The following TSHZ2 variants were observed in gnomAD, a reference collection of about 807,000 sequenced individuals.
The protein encoded by TSHZ2 is teashirt homolog 2.
Under a neutral mutation model 74.4 loss-of-function variants are expected in TSHZ2, and 21 were observed. That is an observed-to-expected ratio of 0.28 (90% CI 0.20 to 0.41). The LOEUF (loss-of-function observed/expected upper bound fraction) is 0.41. Ranked by LOEUF, TSHZ2 falls within the 10% of genes least tolerant of loss-of-function variation. The probability of loss-of-function intolerance (pLI) is 1.00; values close to 1 mark genes in which losing one functional copy is unlikely to be tolerated. For synonymous variants in TSHZ2, 540 were observed against 515.3 expected (o/e 1.05, Z -0.65); for missense variants, 1,244 against 1,293.5 (o/e 0.96, Z 0.59).
rs567265417 is a variant in TSHZ2 at position 53,405,048 on chromosome 20, G to A, written c.*9-82096G>A. 5.3e-5 allele frequency among the ~76,000 whole-genome samples: 8 copies of A among 152,228 alleles called. No homozygotes were observed. In the South Asian group the frequency reaches 1.0e-3, roughly 20 times the overall value. ...GTGGATCACCTGAGGCCAGAAGTTC[G>A]AAACCAGCCTGGCCACCAGGGCGAA... On this transcript the variant is annotated intron_variant, in intron 2 of 2. Coordinates refer to ENST00000371497, the MANE Select transcript of TSHZ2 (RefSeq NM_173485.6).
chr20:53,030,023 C>T (rs972764561), intron 1 of TSHZ2, among the ~76,000 whole-genome samples: 11 of 152,136 alleles, frequency 7.2e-5, no homozygotes, highest in Non-Finnish European at 1.0e-4. Flanking sequence ...ATCTGTGACG[C>T]ACCTACTATA....
intron 1 of TSHZ2, among the ~76,000 whole-genome samples, chr20:53,182,972 T>C (rs1226446348): frequency 6.6e-6 from 1 of 152,216 alleles, no homozygotes; most frequent in Non-Finnish European, 1.5e-5. Context: ...ACAAACCCTT[T>C]CAGTCAGGAC....
Position 53,426,630 on chromosome 20 carries a change from GC to G in TSHZ2, c.*9-60513del, listed in dbSNP as rs1600630428. On this transcript the variant is annotated intron_variant, in intron 2 of 2. Coordinates refer to ENST00000371497, the MANE Select transcript of TSHZ2 (RefSeq NM_173485.6). ...GATTTTTATTTTAGCGGAAGTTTCAGCGCGTTTTCTGCCCAGCCTGGGTACT... is the reference window on the plus strand; with the variant it reads ...GATTTTTATTTTAGCGGAAGTTTCAGGCGTTTTCTGCCCAGCCTGGGTACT... Among the ~76,000 whole-genome samples, 5 of 152,294 alleles carry G rather than the reference GC, an allele frequency of 3.3e-5. No homozygotes were observed. The East Asian group carries it at 9.6e-4, about 29-fold the overall frequency.
At chr20:53,037,075 C>T (rs1181227604) in intron 1 of TSHZ2, among the ~76,000 whole-genome samples, 1 of 151,832 alleles carries the variant, frequency 6.6e-6, no homozygotes, top group African/African-American at 2.4e-5. Context: ...TTTATTTTTT[C>T]CCTGATCATT....
At chr20:53,099,799 C>T (rs1344284222) in intron 1 of TSHZ2, among the ~76,000 whole-genome samples, 1 of 152,210 alleles carries the variant, frequency 6.6e-6, no homozygotes, top group African/African-American at 2.4e-5. Flanking sequence ...ATTCAATTGT[C>T]TCTGACAAAG....
chr20:53,135,978 A>G (rs1418817236), intron 1 of TSHZ2, among the ~76,000 whole-genome samples: 2 of 152,202 alleles, frequency 1.3e-5, no homozygotes, highest in Non-Finnish European at 2.9e-5. Flanking sequence ...ATAACAGAAT[A>G]TCTAAAAGTG....
intron 1 of TSHZ2, among the ~76,000 whole-genome samples, chr20:53,093,982 G>T (rs1164516889): frequency 2.5e-5 from 3 of 120,706 alleles, no homozygotes; most frequent in South Asian, 2.9e-4. Flanking sequence ...TCCCTTTTTT[G>T]ACTTAGTTTT....
chr20:53,334,547 G>A (rs73911296), intron 2 of TSHZ2, among the ~76,000 whole-genome samples: 2,665 of 152,242 alleles, frequency 0.018, 78 homozygotes, highest in African/African-American at 0.061. Context: ...TGAAGGGTCC[G>A]ACCGGCAATT....
chr20:53,318,672 C>T (rs932784577), intron 2 of TSHZ2, among the ~76,000 whole-genome samples: 6 of 152,156 alleles, frequency 3.9e-5, no homozygotes, highest in Non-Finnish European at 8.8e-5. Flanking sequence ...CAATTCTGCT[C>T]AGCCTTTACT....
At position 53,466,221 on chromosome 20, in the gene TSHZ2, C is replaced by A. The variant is rs890881119; in HGVS notation, c.*9-20923C>A. Among the ~76,000 whole-genome samples the A allele has an allele frequency of 2.0e-5, 3 of 147,060 alleles. No homozygotes were observed. In the Admixed American group the frequency reaches 2.1e-4, roughly 10 times the overall value. ...CGAGATCGTGCTGTTGCACTCTAGA[C>A]TGGGCGACAGAGCAAGACTCTGCCT... On this transcript the variant is annotated intron_variant, in intron 2 of 2. Transcript: ENST00000371497.
chr20:53,069,460 A>AT (rs1010730262), intron 1 of TSHZ2, among the ~76,000 whole-genome samples: 9 of 152,158 alleles, frequency 5.9e-5, no homozygotes, highest in African/African-American at 2.2e-4. Flanking sequence ...GAAAGAAAAA[A>AT]ATATCGAGGT....
intron 1 of TSHZ2, among the ~76,000 whole-genome samples, chr20:53,128,350 G>C (rs1600703631): frequency 6.6e-6 from 1 of 152,116 alleles, no homozygotes; most frequent in Non-Finnish European, 1.5e-5. Flanking sequence ...TTCTGCCTTG[G>C]TGCCTTGGTT....
Position 53,456,654 on chromosome 20 carries a change from A to T in TSHZ2, c.*9-30490A>T, listed in dbSNP as rs1284621881. 3.8e-5 allele frequency among the ~76,000 whole-genome samples: 5 copies of T among 130,016 alleles called. No individual in the cohort carries two copies. In the East Asian group the frequency reaches 6.5e-4, roughly 17 times the overall value. The allele number at this position is 130,016 out of a possible 152,430, so 85.3% of individuals were successfully genotyped here. On this transcript the variant is annotated intron_variant, in intron 2 of 2. Coordinates refer to ENST00000371497, the MANE Select transcript of TSHZ2 (RefSeq NM_173485.6). ...GCCCATGCCTATGTCCTGAATGGTA[A>T]AGCCTAGGTTTTCTTCTAGGGTTTT...
At chr20:53,192,878 G>C (rs1988772159) in intron 1 of TSHZ2, among the ~76,000 whole-genome samples, 1 of 152,172 alleles carries the variant, frequency 6.6e-6, no homozygotes, top group Non-Finnish European at 1.5e-5. Flanking sequence ...ATTTTTCTCA[G>C]GGCTGGAATA....
At chr20:53,136,153 G>C (rs1987240644) in intron 1 of TSHZ2, among the ~76,000 whole-genome samples, 1 of 152,142 alleles carries the variant, frequency 6.6e-6, no homozygotes, top group Non-Finnish European at 1.5e-5. Flanking sequence ...GTGTGTTAAG[G>C]TGCCATGCAC....
intron 1 of TSHZ2, among the ~76,000 whole-genome samples, chr20:53,078,024 A>G (rs567774972): frequency 1.1e-4 from 16 of 152,332 alleles, no homozygotes; most frequent in African/African-American, 3.1e-4. Flanking sequence ...AACTTCTCCA[A>G]TTTACTGAAT....
intron 2 of TSHZ2, among the ~76,000 whole-genome samples, chr20:53,334,733 C>T (rs568459737): frequency 2.0e-5 from 3 of 151,652 alleles, no homozygotes; most frequent in Non-Finnish European, 2.9e-5. Context: ...CTCGCTCTGT[C>T]GCCCAGGCTG....
At chr20:53,102,341 C>G (rs551647358) in intron 1 of TSHZ2, among the ~76,000 whole-genome samples, 16 of 151,584 alleles carry the variant, frequency 1.1e-4, no homozygotes, top group Admixed American at 2.0e-4. Context: ...TGAAAACATT[C>G]AGACAATTAA....
rs1481952690 is a variant in TSHZ2, at chr20:53,494,080, T to C, written c.*6945T>C. On this transcript the variant is annotated 3_prime_UTR_variant, in exon 3 of 3. Transcript: ENST00000371497. ...CAGGCGGATCACTTGAGGTCAGGAG[T>C]TTCAGACCAACCTGGCCAACATGGC... 1 of 151,984 alleles carries C rather than the reference T, an allele frequency of 6.6e-6. No homozygotes were observed. The highest frequency in any genetic ancestry group is 1.5e-5 in the Non-Finnish European group (1 of 68,116). The allele number at this position is 151,984 out of a possible 1,614,324, so 9.4% of individuals were successfully genotyped here.
Sources: allele counts gnomAD v4.1 joint callset (sites outside exome capture counted in the v4.1 genomes callset), GRCh38; gene constraint gnomAD v4.1.1; transcripts MANE v1.5; gene names NCBI Gene and HGNC (gene_info 2026-07-23, HGNC 2026-07-21).